NAALADL2: variants seen among roughly 807,000 people sequenced by gnomAD.
The protein encoded by NAALADL2 is inactive N-acetylated-alpha-linked acidic dipeptidase-like protein 2.
Under a neutral mutation model 87.2 loss-of-function variants are expected in NAALADL2, and 76 were observed. The observed-to-expected ratio is 0.87, with a 90% confidence interval of 0.72 to 1.05. The LOEUF (loss-of-function observed/expected upper bound fraction) is 1.05. NAALADL2 is among the 50% of genes least tolerant of loss of function. NAALADL2 has a pLI of 0.00. For synonymous variants in NAALADL2, 354 were observed against 331.0 expected, an observed-to-expected ratio of 1.07 and a Z score of -0.75; for missense variants, 1,089 against 945.8, an observed-to-expected ratio of 1.15 and a Z score of -1.99.
intron 1 of NAALADL2, among the ~76,000 whole-genome samples, chr3:175,058,970 GTA>G (rs1461966268): frequency 6.6e-6 from 1 of 152,154 alleles, no homozygotes; most frequent in African/African-American, 2.4e-5. Flanking sequence ...ATGAATCTTT[GTA>G]TAATCCTCAT....
chr3:175,195,779 A>G (rs1738897880), intron 2 of NAALADL2, among the ~76,000 whole-genome samples: 1 of 151,932 alleles, frequency 6.6e-6, no homozygotes, highest in Admixed American at 6.6e-5. Context: ...GAAGGCTTTC[A>G]TGGATTTTCA....
intron 8 of NAALADL2, 134 bp from the exon 9 acceptor site, chr3:175,471,505 A>G (rs1038743876): frequency 5.4e-5 from 34 of 626,822 alleles, no homozygotes; most frequent in African/African-American, 1.2e-4. Flanking sequence ...AAGAAAGAAA[A>G]AAAAAAAGAA....
intron 2 of NAALADL2, among the ~76,000 whole-genome samples, chr3:175,186,459 A>C (rs540625706): frequency 3.9e-5 from 6 of 152,248 alleles, no homozygotes; most frequent in African/African-American, 1.4e-4. Flanking sequence ...TAAAACATCT[A>C]ATTTTAAAAC....
At chr3:174,930,955 C>A (rs1736808950) in intron 1 of NAALADL2, among the ~76,000 whole-genome samples, 4 of 151,756 alleles carry the variant, frequency 2.6e-5, no homozygotes, top group Admixed American at 2.6e-4. Flanking sequence ...TTGTATATAT[C>A]CCATATTATG....
intron 1 of NAALADL2, among the ~76,000 whole-genome samples, chr3:174,502,500 T>G (rs2108371836): frequency 6.6e-6 from 1 of 152,322 alleles, no homozygotes; most frequent in Admixed American, 6.5e-5. Context: ...TGACACACAT[T>G]ATTTATGGTC....
chr3:175,055,633 C>T (rs914761745), intron 1 of NAALADL2, among the ~76,000 whole-genome samples: 7 of 152,218 alleles, frequency 4.6e-5, no homozygotes, highest in Non-Finnish European at 1.0e-4. Context: ...CCATCTTTAT[C>T]AAACTTAGAG....
intron 4 of NAALADL2, among the ~76,000 whole-genome samples, chr3:175,316,666 C>T (rs1021660251): frequency 8.5e-5 from 13 of 152,174 alleles, no homozygotes; most frequent in African/African-American, 3.1e-4. Flanking sequence ...AGCCCAGAGA[C>T]AGCAGATTTC....
intron 11 of NAALADL2, among the ~76,000 whole-genome samples, chr3:175,667,370 A>G (rs1387521291): frequency 2.0e-5 from 3 of 152,198 alleles, no homozygotes; most frequent in Non-Finnish European, 4.4e-5. Context: ...AGAGGATGAA[A>G]TATGAGCAAA....
intron 2 of NAALADL2, among the ~76,000 whole-genome samples, chr3:174,650,244 A>G (rs1724219357): frequency 2.0e-5 from 3 of 152,086 alleles, no homozygotes; most frequent in South Asian, 4.1e-4. Flanking sequence ...TTAAATTGCT[A>G]TGAGGGACAT....
chr3:175,133,659 C>T (rs1356929707), intron 2 of NAALADL2, among the ~76,000 whole-genome samples: 6 of 152,022 alleles, frequency 3.9e-5, no homozygotes, highest in South Asian at 2.1e-4. Flanking sequence ...TGCAGTGAGC[C>T]CAGATGGCAG....
chr3:175,468,196 T>G (rs989951000), intron 8 of NAALADL2, among the ~76,000 whole-genome samples: 2 of 152,094 alleles, frequency 1.3e-5, no homozygotes, highest in Admixed American at 1.3e-4. Context: ...AAGAATAGAC[T>G]TAAAGATGAA....
chr3:174,797,634 G>T (rs1169866692), intron 3 of NAALADL2, among the ~76,000 whole-genome samples: 1 of 152,010 alleles, frequency 6.6e-6, no homozygotes, highest in African/African-American at 2.4e-5. Context: ...GATGCCTCCT[G>T]CTTTGTTCAG....
At chr3:175,560,212 T>C (rs1716044819) in intron 9 of NAALADL2, among the ~76,000 whole-genome samples, 3 of 152,172 alleles carry the variant, frequency 2.0e-5, no homozygotes, top group Admixed American at 2.0e-4. Flanking sequence ...TTTCCCAGTT[T>C]AGTGGCGTAG....
intron 2 of NAALADL2, among the ~76,000 whole-genome samples, chr3:174,729,856 G>A (rs1732544084): frequency 6.6e-6 from 1 of 151,748 alleles, no homozygotes; most frequent in Non-Finnish European, 1.5e-5. Flanking sequence ...TGAAATCATG[G>A]CAATTAGATA....
At chr3:174,482,366 A>G (rs1252261339) in intron 1 of NAALADL2, among the ~76,000 whole-genome samples, 1 of 152,050 alleles carries the variant, frequency 6.6e-6, no homozygotes, top group Non-Finnish European at 1.5e-5. Context: ...AAGACTCATG[A>G]GAGAAGAGTT....
chr3:175,556,171 C>G (rs969238874), intron 9 of NAALADL2, among the ~76,000 whole-genome samples: 4 of 151,984 alleles, frequency 2.6e-5, no homozygotes, highest in Non-Finnish European at 5.9e-5. Flanking sequence ...GGCACACATT[C>G]ACTAAGAAAA....
intron 1 of NAALADL2, among the ~76,000 whole-genome samples, chr3:174,933,740 G>T (rs900589432): frequency 6.6e-6 from 1 of 152,046 alleles, no homozygotes; most frequent in Non-Finnish European, 1.5e-5. Flanking sequence ...GATATCTTTC[G>T]TTTTTAAAGG....
At chr3:174,722,563 G>A (rs1731804166) in intron 2 of NAALADL2, among the ~76,000 whole-genome samples, 1 of 152,064 alleles carries the variant, frequency 6.6e-6, no homozygotes, top group African/African-American at 2.4e-5. Flanking sequence ...TTAGCCGGGC[G>A]CTGTGGCAGG....
intron 1 of NAALADL2, among the ~76,000 whole-genome samples, chr3:174,487,073 C>T (rs937940735): frequency 7.2e-5 from 11 of 151,914 alleles, no homozygotes; most frequent in Admixed American, 4.6e-4. Context: ...GATGCTTAGA[C>T]GATGGAAGCT....
Sources: allele counts gnomAD v4.1 joint callset (sites outside exome capture counted in the v4.1 genomes callset), GRCh38; gene constraint gnomAD v4.1.1; transcripts MANE v1.5; gene names NCBI Gene and HGNC (gene_info 2026-07-23, HGNC 2026-07-21).